The following DLGAP2 variants were observed in gnomAD, a reference collection of about 807,000 sequenced individuals.
DLGAP2 encodes the protein DLG associated protein 2, also known as disks large-associated protein 2.
DLGAP2 carries 26 observed loss-of-function variants against 100.3 expected under a neutral mutation model. The ratio of observed to expected loss-of-function variants is 0.26; its 90% CI spans 0.19 to 0.36. DLGAP2 has a LOEUF of 0.36. Ranked by LOEUF, DLGAP2 falls within the 10% of genes least tolerant of loss-of-function variation. DLGAP2 has a pLI of 1.00. For synonymous variants in DLGAP2, 886 were observed against 630.1 expected, an observed-to-expected ratio of 1.41 and a Z score of -6.08; for missense variants, 1,858 against 1,453.2, an observed-to-expected ratio of 1.28 and a Z score of -4.53.
At chr8:790,274 A>G (rs1382944010) in intron 1 of DLGAP2, among the ~76,000 whole-genome samples, 1 of 152,204 alleles carries the variant, frequency 6.6e-6, no homozygotes, top group Non-Finnish European at 1.5e-5. Context: ...TTCAAGGGAA[A>G]TAATAGAAGG....
intron 2 of DLGAP2, among the ~76,000 whole-genome samples, chr8:1,078,699 T>C (rs1803703603): frequency 6.6e-6 from 1 of 152,356 alleles, no homozygotes; most frequent in Non-Finnish European, 1.5e-5. Flanking sequence ...CTTAGTGATA[T>C]GCATTTAATT....
intron 3 of DLGAP2, among the ~76,000 whole-genome samples, chr8:1,317,397 G>A (rs560979337): frequency 4.3e-5 from 6 of 138,894 alleles, no homozygotes; most frequent in Non-Finnish European, 9.2e-5. Context: ...CTGTGCGAGT[G>A]CAGCGTCTCT....
chr8:993,714 A>G (rs1267184472), intron 2 of DLGAP2, among the ~76,000 whole-genome samples: 4 of 147,004 alleles, frequency 2.7e-5, no homozygotes, highest in Non-Finnish European at 6.0e-5. Context: ...GGATATTTAT[A>G]TTTCAACATA....
chr8:1,030,809 T>C (rs767293268), intron 2 of DLGAP2, among the ~76,000 whole-genome samples: 2 of 152,180 alleles, frequency 1.3e-5, no homozygotes, highest in African/African-American at 2.4e-5. Context: ...GCAAAGGCAC[T>C]GAAGGCAGCC....
intron 10 of DLGAP2, among the ~76,000 whole-genome samples, chr8:1,676,047 G>A (rs1397349727): frequency 6.6e-6 from 1 of 152,198 alleles, no homozygotes; most frequent in Non-Finnish European, 1.5e-5. Flanking sequence ...GGAGATGAAG[G>A]TGGAGAGTTT....
At chr8:1,685,734 GA>G (rs113424052) in intron 12 of DLGAP2, among the ~76,000 whole-genome samples, 7,350 of 136,590 alleles carry the variant, frequency 0.054, 234 homozygotes, top group Non-Finnish European at 0.07. Flanking sequence ...TCAAATAACA[GA>G]AAAAAAAAAA....
chr8:1,210,963 G>T (rs887153662), intron 2 of DLGAP2, among the ~76,000 whole-genome samples: 11 of 152,346 alleles, frequency 7.2e-5, no homozygotes, highest in Non-Finnish European at 1.2e-4. Flanking sequence ...TTCAAGGACA[G>T]ATCCTCCCCA....
intron 3 of DLGAP2, among the ~76,000 whole-genome samples, chr8:1,466,068 T>TC (rs1798618635): frequency 6.6e-6 from 1 of 152,148 alleles, no homozygotes; most frequent in Non-Finnish European, 1.5e-5. Flanking sequence ...GACAGCGCCG[T>TC]CTGCTTGTGC....
chr8:1,099,174 G>A (rs1300736557), intron 2 of DLGAP2, among the ~76,000 whole-genome samples: 2 of 152,180 alleles, frequency 1.3e-5, no homozygotes, highest in Non-Finnish European at 2.9e-5. Flanking sequence ...CCACGTGCCT[G>A]GTGGTTTTAC....
Position 1,346,222 on chromosome 8 carries a change from G to C in DLGAP2, c.106+87339G>C, listed in dbSNP as rs372462250. Among the ~76,000 whole-genome samples the C allele has an allele frequency of 3.3e-3, 510 of 152,294 alleles. 5 individuals carry two copies. Among genetic ancestry groups the C allele is most frequent in the African/African-American group, 0.012 (484 of 41,558 alleles). ...TTGCACTCACGGTAGCTGTGTGGAGGTTGAGTTCCCCGTACACATCTGCAT... is the reference window on the plus strand; with the variant it reads ...TTGCACTCACGGTAGCTGTGTGGAGCTTGAGTTCCCCGTACACATCTGCAT... On this transcript the variant is annotated intron_variant, in intron 3 of 14. Coordinates refer to ENST00000637795, the MANE Select transcript of DLGAP2 (RefSeq NM_001346810.2).
At chr8:1,332,543 A>G (rs1166749224) in intron 3 of DLGAP2, among the ~76,000 whole-genome samples, 1 of 152,188 alleles carries the variant, frequency 6.6e-6, no homozygotes, top group Non-Finnish European at 1.5e-5. Flanking sequence ...ACACTCCTAC[A>G]GATGCACACA....
At position 1,502,463 on chromosome 8, in the gene DLGAP2, A is replaced by G. The variant is rs144355797; in HGVS notation, c.172+1032A>G. On this transcript the variant is annotated intron_variant, in intron 4 of 14. Transcript: ENST00000637795. Reference sequence around the variant, plus strand: ...AGTGTTTGCTTTTCAATATAAGATGATGGAAATGGGTAGAGTTCTAAAGGA... The same window carrying G: ...AGTGTTTGCTTTTCAATATAAGATGGTGGAAATGGGTAGAGTTCTAAAGGA... Among the ~76,000 whole-genome samples, 17 of 152,348 alleles carry G rather than the reference A, an allele frequency of 1.1e-4. No homozygotes were observed. In the East Asian group the frequency reaches 3.3e-3, roughly 29 times the overall value.
rs186952323 is a variant in DLGAP2 at position 1,623,833 on chromosome 8, T to G, written c.1443-2907T>G. 1.2e-3 allele frequency among the ~76,000 whole-genome samples: 181 copies of G among 152,390 alleles called. 2 individuals are homozygous for G. The highest frequency in any genetic ancestry group is 4.0e-3 in the African/African-American group (167 of 41,602). ...ACTTATTAGCATTTCTGGCGTAATC[T>G]TGCATAGAAAATGTTAGCTATTGTG... On this transcript the variant is annotated intron_variant, in intron 6 of 14. Coordinates refer to ENST00000637795, the MANE Select transcript of DLGAP2 (RefSeq NM_001346810.2).
chr8:808,002 C>T (rs1389015769), intron 1 of DLGAP2, among the ~76,000 whole-genome samples: 7 of 152,292 alleles, frequency 4.6e-5, no homozygotes, highest in Middle Eastern at 3.4e-3. Context: ...GCAATTGCTA[C>T]GTGCAGGTCC....
At chr8:1,620,153 C>T (rs80057098) in intron 6 of DLGAP2, among the ~76,000 whole-genome samples, 3,607 of 152,276 alleles carry the variant, frequency 0.024, 144 homozygotes, top group African/African-American at 0.081. Flanking sequence ...CTTACCTTAA[C>T]GTCTGCGATC....
intron 3 of DLGAP2, among the ~76,000 whole-genome samples, chr8:1,328,275 C>CAG (rs1801068798): frequency 6.6e-6 from 1 of 151,914 alleles, no homozygotes; most frequent in Non-Finnish European, 1.5e-5. Flanking sequence ...CTCCTGACCT[C>CAG]GTGATCCACC....
At position 888,023 on chromosome 8, in the gene DLGAP2, A is replaced by C. The variant is rs573268071; in HGVS notation, c.19-19889A>C. On this transcript the variant is annotated intron_variant, in intron 1 of 14. Transcript: ENST00000637795. ...TCCTTCTGGTACTCCAATCAATCGT[A>C]GGTTTAATCTTTTTATGAAGTCCCA... 4.3e-4 allele frequency among the ~76,000 whole-genome samples: 65 copies of C among 152,098 alleles called. 1 individual carries two copies. In the Middle Eastern group the frequency reaches 0.014, roughly 32 times the overall value.
chr8:1,303,255 G>A (rs1800403775), intron 3 of DLGAP2, among the ~76,000 whole-genome samples: 1 of 152,112 alleles, frequency 6.6e-6, no homozygotes, highest in Non-Finnish European at 1.5e-5. Context: ...AAACTAGCCG[G>A]GCGTGGTGGC....
chr8:1,272,681 A>G (rs999066586), intron 3 of DLGAP2, among the ~76,000 whole-genome samples: 2 of 152,192 alleles, frequency 1.3e-5, no homozygotes, highest in African/African-American at 4.8e-5. Flanking sequence ...ACTGGTGTGC[A>G]GGACCCTATG....
Sources: allele counts gnomAD v4.1 joint callset (sites outside exome capture counted in the v4.1 genomes callset), GRCh38; gene constraint gnomAD v4.1.1; transcripts MANE v1.5; gene names NCBI Gene and HGNC (gene_info 2026-07-23, HGNC 2026-07-21).